The following DSCAM variants were observed in gnomAD, a reference collection of about 807,000 sequenced individuals.
DSCAM encodes the protein DS cell adhesion molecule, also known as cell adhesion molecule DSCAM.
Under a neutral mutation model 217.7 loss-of-function variants are expected in DSCAM, and 47 were observed. The ratio of observed to expected loss-of-function variants is 0.22; its 90% CI spans 0.17 to 0.28. The LOEUF is 0.28. Among genes scored for constraint, DSCAM ranks in the 10% least tolerant of loss-of-function variants. The pLI is 1.00. For missense variants in DSCAM, 2,080 were observed against 2,618.3 expected (o/e 0.79, Z 4.49); for synonymous variants, 1,056 against 1,015.3 (o/e 1.04, Z -0.76).
At chr21:40,053,935 T>C (rs181101300) in intron 29 of DSCAM, among the ~76,000 whole-genome samples, 232 of 152,354 alleles carry the variant, frequency 1.5e-3, no homozygotes, top group African/African-American at 5.0e-3. Context: ...ACGTGTTATA[T>C]AACCATGGTG....
intron 3 of DSCAM, among the ~76,000 whole-genome samples, chr21:40,407,235 T>C (rs753694897): frequency 1.4e-4 from 22 of 152,334 alleles, no homozygotes; most frequent in Non-Finnish European, 2.6e-4. Context: ...CATTTCCACA[T>C]TGTATATATA....
At chr21:40,800,458 C>T (rs1327787659) in intron 1 of DSCAM, among the ~76,000 whole-genome samples, 1 of 152,110 alleles carries the variant, frequency 6.6e-6, no homozygotes. Context: ...AAGTTTGTAA[C>T]TCCTTAGGAA....
intron 3 of DSCAM, among the ~76,000 whole-genome samples, chr21:40,598,505 T>G (rs965090883): frequency 5.2e-5 from 7 of 135,294 alleles, no homozygotes; most frequent in Non-Finnish European, 9.5e-5. Flanking sequence ...CTGTTTTTTT[T>G]TTTTTTTTTT....
At chr21:40,238,550 A>T (rs2073107790) in intron 11 of DSCAM, among the ~76,000 whole-genome samples, 2 of 152,206 alleles carry the variant, frequency 1.3e-5, no homozygotes, top group South Asian at 4.1e-4. Context: ...TCTCAGAAGG[A>T]GGAAGACAGA....
intron 3 of DSCAM, among the ~76,000 whole-genome samples, chr21:40,522,540 C>T (rs775646432): frequency 1.4e-4 from 22 of 152,164 alleles, no homozygotes; most frequent in Non-Finnish European, 2.4e-4. Flanking sequence ...TCTCTTTGGG[C>T]CTTGGCTCCT....
intron 3 of DSCAM, among the ~76,000 whole-genome samples, chr21:40,608,590 C>T (rs368247083): frequency 6.6e-6 from 1 of 152,084 alleles, no homozygotes; most frequent in South Asian, 2.1e-4. Context: ...TGCTTGTATG[C>T]GTTGTATTCT....
intron 1 of DSCAM, among the ~76,000 whole-genome samples, chr21:40,822,957 T>G (rs888842351): frequency 6.6e-6 from 1 of 152,038 alleles, no homozygotes; most frequent in Admixed American, 6.6e-5. Flanking sequence ...GGAGACCAGC[T>G]TGACCCACAT....
chr21:40,180,827 T>A (rs1433462898), intron 14 of DSCAM, among the ~76,000 whole-genome samples: 1 of 151,626 alleles, frequency 6.6e-6, no homozygotes, highest in Non-Finnish European at 1.5e-5. Flanking sequence ...CTGCAGTCCC[T>A]TACACCAATC....
chr21:40,029,445 G>A (rs1345710603), intron 32 of DSCAM, among the ~76,000 whole-genome samples: 5 of 150,830 alleles, frequency 3.3e-5, no homozygotes, highest in Non-Finnish European at 7.4e-5. Context: ...TTTTTTAGTG[G>A]GAAAAGGCCA....
At chr21:40,364,487 A>G (rs374628339) in intron 4 of DSCAM, among the ~76,000 whole-genome samples, 7 of 135,188 alleles carry the variant, frequency 5.2e-5, no homozygotes, top group African/African-American at 1.9e-4. Flanking sequence ...ATGAGAACAC[A>G]TGGACACAGG....
intron 3 of DSCAM, among the ~76,000 whole-genome samples, chr21:40,385,602 TG>T (rs1311194567): frequency 6.6e-6 from 1 of 152,184 alleles, no homozygotes; most frequent in Non-Finnish European, 1.5e-5. Context: ...TTTGGTTTTG[TG>T]GGATTCTCTG....
intron 3 of DSCAM, among the ~76,000 whole-genome samples, chr21:40,460,531 A>G (rs905575472): frequency 3.3e-5 from 5 of 152,174 alleles, no homozygotes; most frequent in Non-Finnish European, 5.9e-5. Context: ...AAAGTAAACA[A>G]AGTAGGAAAA....
intron 20 of DSCAM, among the ~76,000 whole-genome samples, chr21:40,114,160 C>T (rs1328584495): frequency 1.4e-5 from 2 of 148,086 alleles, no homozygotes; most frequent in African/African-American, 4.9e-5. Context: ...TGACTTCAAA[C>T]TATACTACAA....
rs531911421 is a variant in DSCAM at position 40,748,993 on chromosome 21, C to T, written c.44-40222G>A. Among the ~76,000 whole-genome samples, 2 of 152,124 alleles carry T rather than the reference C, an allele frequency of 1.3e-5. 1 individual carries two copies. Among genetic ancestry groups the T allele is most frequent in the South Asian group, 4.2e-4 (2 of 4,818 alleles). On this transcript the variant is annotated intron_variant, in intron 1 of 32. Transcript: ENST00000400454. ...GTACTCATTGGGGAAAGGACAGTAT[C>T]CTCAATAAACGGTCCTCGGAAACTG...
At chr21:40,697,045 AC>A (rs2090603408) in intron 2 of DSCAM, among the ~76,000 whole-genome samples, 1 of 151,858 alleles carries the variant, frequency 6.6e-6, no homozygotes, top group African/African-American at 2.4e-5. Context: ...TCAGCCAACT[AC>A]TCTTTAACCC....
At chr21:40,218,987 C>T (rs538683038) in intron 11 of DSCAM, among the ~76,000 whole-genome samples, 1 of 152,280 alleles carries the variant, frequency 6.6e-6, no homozygotes, top group East Asian at 1.9e-4. Context: ...TTCCTGATTG[C>T]TCTAGCTAGG....
intron 3 of DSCAM, among the ~76,000 whole-genome samples, chr21:40,471,438 C>T (rs2075887423): frequency 6.6e-6 from 1 of 152,166 alleles, no homozygotes; most frequent in Non-Finnish European, 1.5e-5. Flanking sequence ...AATTTTAACC[C>T]AGTGCTTTTA....
chr21:40,730,369 T>C (rs2090999906), intron 1 of DSCAM, among the ~76,000 whole-genome samples: 2 of 152,194 alleles, frequency 1.3e-5, no homozygotes. Flanking sequence ...AAATATTTCC[T>C]TCATGATGAC....
intron 3 of DSCAM, among the ~76,000 whole-genome samples, chr21:40,680,669 T>C (rs571922195): frequency 5.3e-5 from 8 of 152,238 alleles, no homozygotes; most frequent in Non-Finnish European, 7.3e-5. Flanking sequence ...AGTCCAATTC[T>C]GGACAGCCAA....
Sources: allele counts gnomAD v4.1 joint callset (sites outside exome capture counted in the v4.1 genomes callset), GRCh38; gene constraint gnomAD v4.1.1; transcripts MANE v1.5; gene names NCBI Gene and HGNC (gene_info 2026-07-23, HGNC 2026-07-21).